Variants in CDH8 observed in about 807,000 individuals in gnomAD.
The protein encoded by CDH8 is cadherin-8.
In CDH8, 17 loss-of-function variants were observed where a neutral mutation model predicts 68.1. The observed-to-expected ratio is 0.25, with a 90% CI of 0.17 to 0.37. CDH8 has a LOEUF of 0.37. CDH8 is among the 10% of genes least tolerant of loss of function. CDH8 has a pLI of 1.00. For synonymous variants in CDH8, 372 were observed against 365.1 expected (o/e 1.02, Z -0.21); for missense variants, 763 against 999.3 (o/e 0.76, Z 3.19).
intron 8 of CDH8, among the ~76,000 whole-genome samples, chr16:61,781,886 A>T (rs1183418021): frequency 6.6e-6 from 1 of 152,194 alleles, no homozygotes; most frequent in Non-Finnish European, 1.5e-5. Context: ...TCTTCTCTTC[A>T]TGTTACAAGG....
At chr16:61,705,639 C>G (rs1964513459) in intron 10 of CDH8, among the ~76,000 whole-genome samples, 1 of 152,148 alleles carries the variant, frequency 6.6e-6, no homozygotes. Flanking sequence ...CGCACATCAC[C>G]ATTCTGACCA....
chr16:61,826,970 T>C (rs931954396), intron 4 of CDH8, among the ~76,000 whole-genome samples: 6 of 151,912 alleles, frequency 3.9e-5, no homozygotes, highest in African/African-American at 9.7e-5. Context: ...ATATAGCTTA[T>C]AGGTCATACC....
At chr16:62,024,354 AG>A (rs778806253) in intron 1 of CDH8, among the ~76,000 whole-genome samples, 5 of 152,212 alleles carry the variant, frequency 3.3e-5, no homozygotes, top group African/African-American at 4.8e-5. Context: ...TACGTCAGAT[AG>A]GATAGACTAG....
chr16:61,739,884 C>CATATATATATATCTAT, intron 8 of CDH8, among the ~76,000 whole-genome samples: 1 of 101,476 alleles, frequency 9.9e-6, no homozygotes, highest in Non-Finnish European at 1.9e-5. Context: ...CAACATATTC[C>CATATATATATATCTAT]ATATATATAT....
At chr16:61,739,915 A>ATATATATATTTAT (rs373723105) in intron 8 of CDH8, among the ~76,000 whole-genome samples, 1 of 109,580 alleles carries the variant, frequency 9.1e-6, no homozygotes, top group Non-Finnish European at 1.8e-5. Flanking sequence ...ATATATATGT[A>ATATATATATTTAT]TTTTTTTTTT....
chr16:61,710,236 G>T (rs1001962218), intron 10 of CDH8, among the ~76,000 whole-genome samples: 2 of 152,002 alleles, frequency 1.3e-5, no homozygotes, highest in African/African-American at 4.8e-5. Context: ...GGCTTAAAAT[G>T]ATTTGCTTAA....
intron 2 of CDH8, among the ~76,000 whole-genome samples, chr16:62,000,356 A>G (rs193102062): frequency 1.3e-5 from 2 of 152,264 alleles, no homozygotes; most frequent in Non-Finnish European, 2.9e-5. Context: ...TTCTGGTTCT[A>G]GATCCTTGAG....
chr16:61,911,625 C>G (rs897992320), intron 2 of CDH8, among the ~76,000 whole-genome samples: 2 of 67,538 alleles, frequency 3.0e-5, no homozygotes, highest in African/African-American at 2.7e-4. Context: ...TTCCCTAAAC[C>G]CCCCCCCACC....
intron 2 of CDH8, among the ~76,000 whole-genome samples, chr16:61,982,164 C>G (rs967010482): frequency 3.9e-5 from 6 of 152,078 alleles, no homozygotes; most frequent in Admixed American, 6.5e-5. Flanking sequence ...CCTTCGAACT[C>G]ATATTCCCTG....
chr16:61,866,034 A>G (rs947346788), intron 3 of CDH8, among the ~76,000 whole-genome samples: 4 of 152,118 alleles, frequency 2.6e-5, no homozygotes, highest in Non-Finnish European at 4.4e-5. Flanking sequence ...CCTGGGCAAC[A>G]TGGCCAAACT....
In CDH8 at chr16:61,903,794, A is replaced by G. The variant is rs1365950578; in HGVS notation, c.253-2321T>C. On this transcript the variant is annotated intron_variant, in intron 2 of 11. Transcript: ENST00000577390. Reference sequence around the variant, plus strand: ...CCATCCAGCTATCCGAAAATTATTAAAACAGAGAAGAGGCACTATTAAGTG... The same window carrying G: ...CCATCCAGCTATCCGAAAATTATTAGAACAGAGAAGAGGCACTATTAAGTG... 3.3e-5 allele frequency among the ~76,000 whole-genome samples: 5 copies of G among 152,198 alleles called. 1 individual carries two copies. The highest frequency in any genetic ancestry group is 3.3e-4 in the Admixed American group (5 of 15,274).
At chr16:61,836,078 T>C (rs1380430892) in intron 4 of CDH8, among the ~76,000 whole-genome samples, 1 of 152,016 alleles carries the variant, frequency 6.6e-6, no homozygotes, top group Non-Finnish European at 1.5e-5. Flanking sequence ...TTTAATTGAA[T>C]TGATCTTATC....
chr16:61,846,982 T>A (rs961330751), intron 4 of CDH8, among the ~76,000 whole-genome samples: 4 of 152,114 alleles, frequency 2.6e-5, no homozygotes, highest in African/African-American at 9.7e-5. Flanking sequence ...ATCCCATAGC[T>A]ACTGTTCCCT....
At chr16:61,960,348 T>TACACACACATATATAC (rs1567546610) in intron 2 of CDH8, among the ~76,000 whole-genome samples, 1 of 28,806 alleles carries the variant, frequency 3.5e-5, no homozygotes, top group Non-Finnish European at 6.2e-5. Flanking sequence ...CATATATACA[T>TACACACACATATATAC]GTGTGTGTGT....
rs573057859 is a variant in CDH8 at position 61,663,920 on chromosome 16, G to A, written c.1655-8199C>T. ...GGGAGGGAAACAAGGAAGAGAGAGA[G>A]TACATTTAGAATTTCTGCACTTGAT... On this transcript the variant is annotated intron_variant, in intron 10 of 11. Coordinates refer to ENST00000577390, the MANE Select transcript of CDH8 (RefSeq NM_001796.5). 4.4e-4 allele frequency among the ~76,000 whole-genome samples: 67 copies of A among 152,148 alleles called. No homozygotes were observed. The Middle Eastern group carries it at 0.017, about 39-fold the overall frequency.
chr16:61,678,889 T>A (rs762794247), intron 10 of CDH8, among the ~76,000 whole-genome samples: 28 of 152,068 alleles, frequency 1.8e-4, no homozygotes, highest in Non-Finnish European at 1.2e-4. Flanking sequence ...ACTTACAAAC[T>A]GATGTTCATT....
At chr16:61,726,352 A>G (rs1416491775) in intron 9 of CDH8, 4 of 150,734 alleles carry the variant, frequency 2.7e-5, no homozygotes, top group Non-Finnish European at 6.0e-5. Context: ...TGACATTCAG[A>G]GTATAGCAGA....
Position 61,711,491 on chromosome 16 carries a change from C to G in CDH8, c.1654+2350G>C, listed in dbSNP as rs545211683. The G allele has an allele frequency of 2.0e-5, 3 of 151,850 alleles. No individual in the cohort carries two copies. The South Asian group carries it at 6.2e-4, about 32-fold the overall frequency. The allele number at this position is 151,850 out of a possible 1,614,324, so 9.4% of individuals were successfully genotyped here. On this transcript the variant is annotated intron_variant, in intron 10 of 11. Coordinates refer to ENST00000577390, the MANE Select transcript of CDH8 (RefSeq NM_001796.5). ...AGATACTGACCATTTTAAAATTCAT[C>G]TTAAGAAGGAAAATATATATATATC...
At chr16:61,978,304 A>G (rs915072121) in intron 2 of CDH8, among the ~76,000 whole-genome samples, 3 of 152,128 alleles carry the variant, frequency 2.0e-5, no homozygotes, top group African/African-American at 7.2e-5. Flanking sequence ...CCATTTATTC[A>G]AAGCTACGAC....
Sources: allele counts gnomAD v4.1 joint callset (sites outside exome capture counted in the v4.1 genomes callset), GRCh38; gene constraint gnomAD v4.1.1; transcripts MANE v1.5; gene names NCBI Gene and HGNC (gene_info 2026-07-23, HGNC 2026-07-21).